ADGRL2: variants seen among roughly 807,000 people sequenced by gnomAD.
ADGRL2 encodes calcium-independent alpha-latrotoxin receptor 2.
A neutral mutation model predicts 157.4 loss-of-function variants in ADGRL2; 44 were observed. That is an observed-to-expected ratio of 0.28 (90% CI 0.22 to 0.36). The LOEUF (loss-of-function observed/expected upper bound fraction) is 0.36. ADGRL2 is among the 10% of genes least tolerant of loss of function. The probability of loss-of-function intolerance (pLI) is 1.00; values close to 1 mark genes in which losing one functional copy is unlikely to be tolerated. For synonymous variants in ADGRL2, 585 were observed against 624.7 expected (o/e 0.94, Z 0.95); for missense variants, 1,510 against 1,768.9 (o/e 0.85, Z 2.63).
At chr1:81,920,751 C>T (rs1329058674) in intron 3 of ADGRL2, among the ~76,000 whole-genome samples, 1 of 151,984 alleles carries the variant, frequency 6.6e-6, no homozygotes, top group Non-Finnish European at 1.5e-5. Context: ...CCCAATAAGC[C>T]TCTGAGAGAT....
chr1:81,324,627 G>T (rs1272428790), intron 1 of ADGRL2, among the ~76,000 whole-genome samples: 1 of 151,554 alleles, frequency 6.6e-6, no homozygotes, highest in Admixed American at 6.6e-5. Context: ...AGTATCAAGA[G>T]AATTTGATGA....
chr1:81,591,428 C>T (rs552407291), intron 3 of ADGRL2, among the ~76,000 whole-genome samples: 6 of 152,182 alleles, frequency 3.9e-5, no homozygotes, highest in Non-Finnish European at 8.8e-5. Context: ...CCAAACCTGT[C>T]TGCTTTCTAG....
At chr1:81,979,841 T>G in intron 17 of ADGRL2, 28 bp from the exon 18 acceptor site, 1 of 1,253,950 alleles carries the variant, frequency 8.0e-7, no homozygotes, top group Non-Finnish European at 1.2e-6. Flanking sequence ...TTGTTCATTG[T>G]GGTCTAATTC....
At position 81,747,161 on chromosome 1, in the gene ADGRL2, ATGTGTG is replaced by A. The variant is rs1324889765; in HGVS notation, c.-142-14648_-142-14643del. Among the ~76,000 whole-genome samples, 10 of 135,480 alleles carry A rather than the reference ATGTGTG, an allele frequency of 7.4e-5. No homozygotes were observed. The South Asian group carries it at 1.2e-3, about 16-fold the overall frequency. 88.9% of individuals were successfully genotyped at this position (135,480 alleles called of 152,430 possible). A position where few individuals can be genotyped will look rare whatever the true frequency, so the allele number is the denominator to read the frequency against. ...TGTATACATATATACGTATATATGT[ATGTGTG>A]TATATATACATATATGTATGTGTGT... is the stretch of plus-strand genomic sequence containing the variant. On this transcript the variant is annotated intron_variant, in intron 1 of 20. Transcript: ENST00000359929.
chr1:81,526,182 C>A (rs2079450746), intron 2 of ADGRL2, among the ~76,000 whole-genome samples: 1 of 152,178 alleles, frequency 6.6e-6, no homozygotes, highest in African/African-American at 2.4e-5. Context: ...TAGTGCATTT[C>A]ATTTAATATT....
chr1:81,976,689 G>A (rs972010575), intron 17 of ADGRL2, among the ~76,000 whole-genome samples: 1 of 151,866 alleles, frequency 6.6e-6, no homozygotes, highest in Non-Finnish European at 1.5e-5. Context: ...GACATAAACA[G>A]GTTTAGAAAA....
intron 1 of ADGRL2, among the ~76,000 whole-genome samples, chr1:81,389,427 G>A (rs2076495307): frequency 2.6e-5 from 4 of 152,066 alleles, no homozygotes; most frequent in South Asian, 2.1e-4. Flanking sequence ...TGCATAGAAG[G>A]GAGATATTGA....
At chr1:81,383,288 C>G (rs1397086599) in intron 1 of ADGRL2, among the ~76,000 whole-genome samples, 3 of 152,108 alleles carry the variant, frequency 2.0e-5, no homozygotes, top group African/African-American at 7.2e-5. Context: ...TCCACTGAAA[C>G]ATCTCACTTA....
At chr1:81,514,604 A>G (rs1415711247) in intron 2 of ADGRL2, 1 of 152,228 alleles carries the variant, frequency 6.6e-6, no homozygotes, top group Non-Finnish European at 1.5e-5. Context: ...AGGAAAATTC[A>G]ATCCATATGT....
At chr1:81,942,887 T>C in intron 5 of ADGRL2, 82 bp from the exon 6 acceptor site, 1 of 1,019,836 alleles carries the variant, frequency 9.8e-7, no homozygotes, top group African/African-American at 1.6e-5. Flanking sequence ...ATTTTTCCCT[T>C]TTGATTTGTG....
intron 2 of ADGRL2, among the ~76,000 whole-genome samples, chr1:81,839,821 G>A (rs200250441): frequency 1.1e-4 from 13 of 113,536 alleles, no homozygotes; most frequent in African/African-American, 3.6e-4. Context: ...ATATATATAT[G>A]TTTTCCATCA....
At chr1:81,489,564 G>T (rs1004810325) in intron 2 of ADGRL2, among the ~76,000 whole-genome samples, 5 of 151,924 alleles carry the variant, frequency 3.3e-5, no homozygotes, top group African/African-American at 1.2e-4. Context: ...AGAAATAATA[G>T]CTGAAAACAT....
intron 2 of ADGRL2, among the ~76,000 whole-genome samples, chr1:81,479,557 T>A (rs2078343050): frequency 6.6e-6 from 1 of 152,158 alleles, no homozygotes; most frequent in African/African-American, 2.4e-5. Context: ...ATTTTGGAGA[T>A]AAGGAATGAA....
At chr1:81,395,066 C>A (rs2101170483) in intron 1 of ADGRL2, among the ~76,000 whole-genome samples, 1 of 152,040 alleles carries the variant, frequency 6.6e-6, no homozygotes, top group Admixed American at 6.6e-5. Context: ...GCCCAGCCAC[C>A]AAGCCCAGCT....
At position 81,800,954 on chromosome 1, in the gene ADGRL2, C is replaced by G. The variant is rs1364538593; in HGVS notation, c.-215C>G. 4.0e-5 allele frequency among the ~76,000 whole-genome samples: 6 copies of G among 149,332 alleles called. No individual in the cohort carries two copies. Among genetic ancestry groups the G allele is most frequent in the East Asian group, 2.0e-4 (1 of 5,050 alleles). On this transcript the variant is annotated 5_prime_UTR_variant, in exon 1 of 24. Transcript: ENST00000686636. Reference sequence around the variant, plus strand: ...TCCACGGCCGTGCGCGCGCGTCCCTCGCCGCCACCGCCGCCCGGACAGCCC... The same window carrying G: ...TCCACGGCCGTGCGCGCGCGTCCCTGGCCGCCACCGCCGCCCGGACAGCCC...
At chr1:81,982,117 C>A (rs1316458796) in intron 19 of ADGRL2, 141 bp downstream of exon 19, 4 of 703,904 alleles carry the variant, frequency 5.7e-6, no homozygotes, top group Non-Finnish European at 6.5e-6. Flanking sequence ...AATTTTCATA[C>A]CTGTCTGAAA....
rs899661393 is a variant in ADGRL2 at position 81,984,443 on chromosome 1, G to T, written c.3283-140G>T. ...AGTAATTTTAATTGAACTTGATTTTGCAAGTTCAATTTATTTTCTCCACGG... is the reference window on the plus strand; with the variant it reads ...AGTAATTTTAATTGAACTTGATTTTTCAAGTTCAATTTATTTTCTCCACGG... On this transcript the variant is annotated intron_variant, in intron 19 of 23. Transcript: ENST00000686636. 9 of 820,368 alleles carry T rather than the reference G, an allele frequency of 1.1e-5. No homozygotes were observed. The African/African-American group carries it at 1.4e-4, about 13-fold the overall frequency. The allele number at this position is 820,368 out of a possible 1,614,324, so 50.8% of individuals were successfully genotyped here. A position where few individuals can be genotyped will look rare whatever the true frequency, so the allele number is the denominator to read the frequency against.
At chr1:81,803,820 C>A (rs142638610) in intron 1 of ADGRL2, among the ~76,000 whole-genome samples, 1 of 152,156 alleles carries the variant, frequency 6.6e-6, no homozygotes, top group Non-Finnish European at 1.5e-5. Flanking sequence ...TTCCCCTTTC[C>A]AGAGGCATAG....
chr1:81,839,733 G>C (rs546901262), intron 2 of ADGRL2, among the ~76,000 whole-genome samples: 1 of 147,110 alleles, frequency 6.8e-6, no homozygotes, highest in South Asian at 2.2e-4. Flanking sequence ...TGGCTGAGTA[G>C]TATTCCATCA....
Sources: allele counts gnomAD v4.1 joint callset (sites outside exome capture counted in the v4.1 genomes callset), GRCh38; gene constraint gnomAD v4.1.1; transcripts MANE v1.5; gene names NCBI Gene and HGNC (gene_info 2026-07-23, HGNC 2026-07-21).